The following EFR3A variants were observed in gnomAD, a reference collection of about 807,000 sequenced individuals.
EFR3A encodes protein EFR3 homolog A.
In EFR3A, 76 loss-of-function variants were observed where a neutral mutation model predicts 104.4. The ratio of observed to expected loss-of-function variants is 0.73; its 90% confidence interval spans 0.60 to 0.88. The LOEUF is 0.88. Among genes scored for constraint, EFR3A ranks in the 40% least tolerant of loss-of-function variants. The pLI is 0.00. For missense variants in EFR3A, 985 were observed against 1,012.5 expected (o/e 0.97, Z 0.37); for synonymous variants, 330 against 330.0 (o/e 1.00, Z 0.00).
intron 5 of EFR3A, among the ~76,000 whole-genome samples, chr8:131,950,516 A>G (rs562054472): frequency 4.6e-5 from 7 of 152,240 alleles, no homozygotes; most frequent in African/African-American, 1.7e-4. Flanking sequence ...TTCTGCTCAA[A>G]TGACACCTTA....
intron 1 of EFR3A, among the ~76,000 whole-genome samples, chr8:131,928,353 C>G (rs1452799662): frequency 2.0e-5 from 3 of 152,078 alleles, no homozygotes; most frequent in African/African-American, 7.2e-5. Flanking sequence ...AGACATTATA[C>G]AATTTTTTTC....
chr8:131,935,571 T>C, intron 1 of EFR3A: 1 of 420,068 alleles, frequency 2.4e-6, no homozygotes, highest in Non-Finnish European at 4.8e-6. Flanking sequence ...GAGAATTAAA[T>C]GAGAGAATTG....
At chr8:131,958,489 C>T (rs1330818076) in intron 7 of EFR3A, among the ~76,000 whole-genome samples, 1 of 152,080 alleles carries the variant, frequency 6.6e-6, no homozygotes, top group African/African-American at 2.4e-5. Context: ...GAACAGGTAG[C>T]CATGTTCAAA....
At chr8:131,993,337 ACATTACT>A (rs1255921202) in intron 18 of EFR3A, among the ~76,000 whole-genome samples, 10 of 152,208 alleles carry the variant, frequency 6.6e-5, no homozygotes, top group Non-Finnish European at 1.3e-4. Context: ...ACTGTCTGGC[ACATTACT>A]CATACTGTAT....
At chr8:131,955,980 AACT>A in intron 7 of EFR3A, 75 bp downstream of exon 7, 1 of 1,539,982 alleles carries the variant, frequency 6.5e-7, no homozygotes, top group Non-Finnish European at 8.9e-7. Context: ...TATAGAGGAC[AACT>A]ACTTTTTTAC....
intron 8 of EFR3A, among the ~76,000 whole-genome samples, chr8:131,967,911 T>TATTAA (rs10674955): frequency 0.86 from 130,442 of 151,580 alleles, 56,236 homozygotes; most frequent in East Asian, 0.93. Context: ...AATTTTGTCC[T>TATTAA]ATTATAAAAG....
rs559322093 is a variant in EFR3A, at chr8:132,011,569, A to G, written c.*674A>G. On this transcript the variant is annotated 3_prime_UTR_variant, in exon 23 of 23. Transcript: ENST00000254624. ...TGTGTTTCCTGCCAAGAGTTTGACC[A>G]TTCTGCTTGAGAAGTGTAGAGCTTA... The G allele has an allele frequency of 7.3e-5, 28 of 385,700 alleles. No individual in the cohort carries two copies. Among genetic ancestry groups the G allele is most frequent in the Non-Finnish European group, 9.2e-5 (26 of 281,694 alleles). The allele number at this position is 385,700 out of a possible 1,614,324, so 23.9% of individuals were successfully genotyped here.
intron 1 of EFR3A, chr8:131,938,446 A>G (rs1470457849): frequency 5.2e-6 from 2 of 383,420 alleles, no homozygotes; most frequent in Non-Finnish European, 9.2e-6. Flanking sequence ...ATTGTCTTTG[A>G]TATAATTTTA....
At chr8:131,927,583 T>A (rs557313514) in intron 1 of EFR3A, among the ~76,000 whole-genome samples, 1 of 152,278 alleles carries the variant, frequency 6.6e-6, no homozygotes, top group East Asian at 1.9e-4. Flanking sequence ...GGCAGCAAAG[T>A]CGGTATAGTA....
At chr8:131,911,218 G>C (rs1325633530) in intron 1 of EFR3A, among the ~76,000 whole-genome samples, 1 of 152,100 alleles carries the variant, frequency 6.6e-6, no homozygotes, top group Non-Finnish European at 1.5e-5. Context: ...AATATCATTT[G>C]CCAAATATAT....
chr8:131,962,838 A>G (rs1819455660), intron 8 of EFR3A, among the ~76,000 whole-genome samples: 1 of 152,214 alleles, frequency 6.6e-6, no homozygotes, highest in South Asian at 2.1e-4. Flanking sequence ...TCCTCAGCAA[A>G]TGTAAAAGAA....
chr8:131,904,168 C>A lies in EFR3A; in HGVS notation c.-145C>A, dbSNP rs1430451965. 2.1e-6 allele frequency: 2 copies of A among 972,524 alleles called. No homozygotes were observed. Among genetic ancestry groups the A allele is most frequent in the African/African-American group, 1.7e-5 (1 of 59,056 alleles). The allele number at this position is 972,524 out of a possible 1,614,324, so 60.2% of individuals were successfully genotyped here. A position where few individuals can be genotyped will look rare whatever the true frequency, so the allele number is the denominator to read the frequency against. On this transcript the variant is annotated 5_prime_UTR_variant, in exon 1 of 23. Coordinates refer to ENST00000254624, the MANE Select transcript of EFR3A (RefSeq NM_015137.6). Reference sequence around the variant, plus strand: ...CGCTTGGTTGCGTGACCGCGGGGTCCGCGTCCGCTCCCTCCACCCTTCGCC... The same window carrying A: ...CGCTTGGTTGCGTGACCGCGGGGTCAGCGTCCGCTCCCTCCACCCTTCGCC...
At chr8:131,923,869 A>T (rs1202951929) in intron 1 of EFR3A, among the ~76,000 whole-genome samples, 3 of 152,106 alleles carry the variant, frequency 2.0e-5, no homozygotes, top group Admixed American at 2.0e-4. Flanking sequence ...GTGGTAACAG[A>T]ACTAAGCGAA....
intron 6 of EFR3A, among the ~76,000 whole-genome samples, chr8:131,954,187 A>G (rs1373481937): frequency 1.3e-5 from 2 of 151,996 alleles, no homozygotes; most frequent in Admixed American, 1.3e-4. Context: ...TTAAGCCTTT[A>G]TTTTCTTTTA....
intron 2 of EFR3A, among the ~76,000 whole-genome samples, chr8:131,941,901 A>G (rs956531174): frequency 2.0e-5 from 3 of 152,116 alleles, no homozygotes; most frequent in Admixed American, 6.6e-5. Flanking sequence ...CTTCAAGCGA[A>G]GGTTTATATA....
At chr8:131,996,820 T>C (rs1316321800) in intron 19 of EFR3A, among the ~76,000 whole-genome samples, 2 of 152,132 alleles carry the variant, frequency 1.3e-5, no homozygotes, top group Non-Finnish European at 2.9e-5. Flanking sequence ...AAGCCTGTCA[T>C]TAAATTAGTG....
At chr8:132,010,684 A>C in intron 22 of EFR3A, 106 bp from the exon 23 acceptor site, 1 of 1,335,660 alleles carries the variant, frequency 7.5e-7, no homozygotes, top group Non-Finnish European at 1.0e-6. Flanking sequence ...TGATCACTGC[A>C]ATTAAGGAGT....
At chr8:131,961,880 C>G (rs564815422) in intron 8 of EFR3A, among the ~76,000 whole-genome samples, 4 of 152,274 alleles carry the variant, frequency 2.6e-5, no homozygotes, top group African/African-American at 4.8e-5. Context: ...ACTCTACAAG[C>G]CAGAAGAGAG....
intron 8 of EFR3A, among the ~76,000 whole-genome samples, chr8:131,961,753 A>G (rs1819347870): frequency 1.3e-5 from 2 of 152,180 alleles, no homozygotes; most frequent in South Asian, 4.1e-4. Flanking sequence ...AAGACACATA[A>G]TTGTCAGATT....
Sources: gnomAD v4.1 joint callset for allele counts (sites outside exome capture counted in the v4.1 genomes callset) on GRCh38, gnomAD v4.1.1 for gene constraint, MANE v1.5 for transcripts, NCBI Gene and HGNC (gene_info 2026-07-23, HGNC 2026-07-21) for gene names.